Variants in EXOC4 observed in about 807,000 individuals in gnomAD.
EXOC4 encodes exocyst complex component 4.
In EXOC4, 71 loss-of-function variants were observed where a neutral mutation model predicts 107.2. The ratio of observed to expected loss-of-function variants is 0.66; its 90% CI spans 0.55 to 0.81. The LOEUF (loss-of-function observed/expected upper bound fraction) is 0.81, where lower values mean the gene tolerates loss of function less well. EXOC4 is among the 30% of genes least tolerant of loss of function. The probability of loss-of-function intolerance (pLI) is 0.00; values close to 1 mark genes in which losing one functional copy is unlikely to be tolerated. For missense variants in EXOC4, 1,108 were observed against 1,189.6 expected (o/e 0.93, Z 1.01); for synonymous variants, 456 against 441.2 (o/e 1.03, Z -0.42).
At chr7:133,253,299 C>T (rs916346771) in intron 1 of EXOC4, 112 bp downstream of exon 1, 43 of 1,442,426 alleles carry the variant, frequency 3.0e-5, no homozygotes, top group Non-Finnish European at 3.8e-5. Context: ...TCCTCCTTGC[C>T]TCCCGCAGCC....
chr7:133,353,431 A>ATG (rs1257114762), intron 5 of EXOC4, among the ~76,000 whole-genome samples: 1 of 151,750 alleles, frequency 6.6e-6, no homozygotes, highest in Non-Finnish European at 1.5e-5. Flanking sequence ...CAGTTTTTTT[A>ATG]TTTGTTTGTT....
intron 10 of EXOC4, among the ~76,000 whole-genome samples, chr7:133,723,506 T>TTTGC (rs1230956858): frequency 2.6e-5 from 4 of 151,398 alleles, no homozygotes; most frequent in Non-Finnish European, 5.9e-5. Context: ...TGTTTGTTTG[T>TTTGC]TTGGGACAAA....
intron 11 of EXOC4, among the ~76,000 whole-genome samples, chr7:133,878,360 G>A (rs1012530144): frequency 2.0e-5 from 3 of 152,174 alleles, no homozygotes; most frequent in Non-Finnish European, 2.9e-5. Flanking sequence ...TACAGTGAAC[G>A]GAACCAGCCA....
chr7:133,855,406 C>G (rs1798354005), intron 11 of EXOC4, among the ~76,000 whole-genome samples: 1 of 151,804 alleles, frequency 6.6e-6, no homozygotes, highest in Non-Finnish European at 1.5e-5. Context: ...AAGATGTACA[C>G]ACGCCCATGT....
Position 133,707,068 on chromosome 7 carries a change from CT to C in EXOC4, c.1514+76939del, listed in dbSNP as rs1215548672. 2.1e-3 allele frequency among the ~76,000 whole-genome samples: 295 copies of C among 142,294 alleles called. 1 individual carries two copies. The highest frequency in any genetic ancestry group is 7.1e-3 in the Middle Eastern group (2 of 282). The allele number at this position is 142,294 out of a possible 152,430, so 93.4% of individuals were successfully genotyped here. ...CATGTGTGTGTACACATTAAGTGGC[CT>C]TTTTTTTTTTTGCCTGTTCTTCTTT... On this transcript the variant is annotated intron_variant, in intron 10 of 17. Transcript: ENST00000253861.
intron 2 of EXOC4, among the ~76,000 whole-genome samples, chr7:133,287,374 G>A (rs1250052591): frequency 3.9e-5 from 6 of 151,984 alleles, no homozygotes; most frequent in Admixed American, 2.6e-4. Context: ...GCAGTGGCAC[G>A]ATCTCGGCTC....
At chr7:133,873,688 G>A (rs915319486) in intron 11 of EXOC4, among the ~76,000 whole-genome samples, 4 of 152,110 alleles carry the variant, frequency 2.6e-5, no homozygotes, top group African/African-American at 9.7e-5. Flanking sequence ...TGAAAAATTG[G>A]AGCTATATTC....
At chr7:133,745,811 T>TATGTTTTAAATGAGAAAGG (rs1209100991) in intron 10 of EXOC4, among the ~76,000 whole-genome samples, 27 of 151,982 alleles carry the variant, frequency 1.8e-4, no homozygotes, top group African/African-American at 6.3e-4. Flanking sequence ...TTCTAGCATG[T>TATGTTTTAAATGAGAAAGG]ATGTTTTAAA....
chr7:133,556,533 T>A (rs1800693612), intron 9 of EXOC4, among the ~76,000 whole-genome samples: 1 of 152,156 alleles, frequency 6.6e-6, no homozygotes, highest in South Asian at 2.1e-4. Context: ...AGCACCAACT[T>A]TAATCAAATA....
In EXOC4 at chr7:133,313,894, G is replaced by A. The variant is rs373380494; in HGVS notation, c.657-3390G>A. Among the ~76,000 whole-genome samples, 10 of 151,994 alleles carry A rather than the reference G, an allele frequency of 6.6e-5. No homozygotes were observed. The East Asian group carries it at 1.7e-3, about 26-fold the overall frequency. ...CAATATATAATTGGTAATTTTGGGG[G>A]GACCATTTTATACTAGCAGGGATTA... On this transcript the variant is annotated intron_variant, in intron 4 of 17. Coordinates refer to ENST00000253861, the MANE Select transcript of EXOC4 (RefSeq NM_021807.4).
chr7:133,921,498 A>T (rs1015240950), intron 13 of EXOC4, among the ~76,000 whole-genome samples: 2 of 152,204 alleles, frequency 1.3e-5, no homozygotes, highest in African/African-American at 4.8e-5. Flanking sequence ...TTTAACAACT[A>T]AATATTTTAC....
At chr7:133,647,764 A>T (rs565641530) in intron 10 of EXOC4, among the ~76,000 whole-genome samples, 2 of 152,276 alleles carry the variant, frequency 1.3e-5, no homozygotes, top group Admixed American at 1.3e-4. Context: ...GATAATCCAC[A>T]GTCAAACAGA....
At chr7:133,850,461 G>A (rs757590539) in intron 11 of EXOC4, among the ~76,000 whole-genome samples, 1 of 151,806 alleles carries the variant, frequency 6.6e-6, no homozygotes, top group Non-Finnish European at 1.5e-5. Context: ...TTTAGTGGTA[G>A]CACATCACCA....
At chr7:133,902,426 A>T (rs1799473102) in intron 12 of EXOC4, among the ~76,000 whole-genome samples, 1 of 152,210 alleles carries the variant, frequency 6.6e-6, no homozygotes, top group Admixed American at 6.5e-5. Flanking sequence ...ACAAATATTT[A>T]TTGAGTGCTA....
intron 9 of EXOC4, among the ~76,000 whole-genome samples, chr7:133,512,333 G>A (rs1220310270): frequency 6.6e-6 from 1 of 152,068 alleles, no homozygotes; most frequent in Non-Finnish European, 1.5e-5. Context: ...GGGAACTAAG[G>A]CAGTAGAATC....
chr7:133,627,474 G>A (rs748875725), intron 9 of EXOC4, among the ~76,000 whole-genome samples: 1 of 152,118 alleles, frequency 6.6e-6, no homozygotes, highest in Non-Finnish European at 1.5e-5. Context: ...ATATTGAGTC[G>A]ATTATTACAT....
At chr7:133,412,692 G>T (rs1797389210) in intron 7 of EXOC4, among the ~76,000 whole-genome samples, 1 of 151,896 alleles carries the variant, frequency 6.6e-6, no homozygotes, top group Non-Finnish European at 1.5e-5. Context: ...ACAGGACCGG[G>T]TCATAAGCCT....
intron 9 of EXOC4, among the ~76,000 whole-genome samples, chr7:133,501,941 A>T (rs1449935069): frequency 6.6e-6 from 1 of 152,170 alleles, no homozygotes; most frequent in African/African-American, 2.4e-5. Flanking sequence ...AAGGCTATCC[A>T]ATCAAGGAGG....
At chr7:133,534,684 T>G (rs1800241121) in intron 9 of EXOC4, among the ~76,000 whole-genome samples, 1 of 152,160 alleles carries the variant, frequency 6.6e-6, no homozygotes, top group South Asian at 2.1e-4. Context: ...ATGTTCAAAG[T>G]CAATCAGGCC....
Sources: allele counts gnomAD v4.1 joint callset (sites outside exome capture counted in the v4.1 genomes callset), GRCh38; gene constraint gnomAD v4.1.1; transcripts MANE v1.5; gene names NCBI Gene and HGNC (gene_info 2026-07-23, HGNC 2026-07-21).